LYN: variants seen among roughly 807,000 people sequenced by gnomAD.
LYN encodes the protein tyrosine-protein kinase Lyn.
LYN carries 12 observed loss-of-function variants against 65.0 expected under a neutral mutation model. The ratio of observed to expected loss-of-function variants is 0.18; its 90% CI spans 0.12 to 0.30. LYN has a LOEUF of 0.30. Ranked by LOEUF, LYN falls within the 10% of genes least tolerant of loss-of-function variation. LYN has a pLI of 1.00. For missense variants in LYN, 380 were observed against 623.2 expected (o/e 0.61, Z 4.16); for synonymous variants, 222 against 221.2 (o/e 1.00, Z -0.03).
chr8:55,966,555 A>G lies in LYN; in HGVS notation c.791-160A>G, dbSNP rs917794674. Reference sequence around the variant, plus strand: ...GCTAATTTTTGTATTTTTAGTAGACATGGGGTTTCACTGTTTTAGCCAGGC... The same window carrying G: ...GCTAATTTTTGTATTTTTAGTAGACGTGGGGTTTCACTGTTTTAGCCAGGC... On this transcript the variant is annotated intron_variant, in intron 8 of 12. Transcript: ENST00000519728. Among the ~76,000 whole-genome samples the G allele has an allele frequency of 2.1e-4, 32 of 152,154 alleles. 1 individual carries two copies. Among genetic ancestry groups the G allele is most frequent in the Middle Eastern group, 6.8e-3 (2 of 294 alleles).
rs1216959951 is a variant in LYN, at chr8:56,010,456, T to C, written c.*346T>C. 1 of 320,986 alleles carries C rather than the reference T, an allele frequency of 3.1e-6. No homozygotes were observed. The highest frequency in any genetic ancestry group is 5.9e-6 in the Non-Finnish European group (1 of 169,732). The allele number at this position is 320,986 out of a possible 1,614,324, so 19.9% of individuals were successfully genotyped here. A position where few individuals can be genotyped will look rare whatever the true frequency, so the allele number is the denominator to read the frequency against. On this transcript the variant is annotated 3_prime_UTR_variant, in exon 13 of 13. Transcript: ENST00000519728. ...TTACAAATGGACATAGGACTCAAAG[T>C]TTCAGAGACCATTGCAATGAATCCC...
chr8:55,953,252 C>T (rs944983525), intron 7 of LYN, among the ~76,000 whole-genome samples: 37 of 152,264 alleles, frequency 2.4e-4, no homozygotes, highest in African/African-American at 8.9e-4. Context: ...TTAAGTGTGA[C>T]AATCTGGCAG....
intron 1 of LYN, among the ~76,000 whole-genome samples, chr8:55,928,154 C>G (rs1038629147): frequency 2.6e-5 from 4 of 151,932 alleles, no homozygotes; most frequent in African/African-American, 4.8e-5. Flanking sequence ...TTGGTTTGTT[C>G]GTTTTGTTTG....
chr8:55,893,568 G>A (rs1805011635), intron 1 of LYN: 1 of 152,278 alleles, frequency 6.6e-6, no homozygotes. Flanking sequence ...GACAGAGAGA[G>A]GCATAATTGA....
intron 1 of LYN, among the ~76,000 whole-genome samples, chr8:55,909,830 G>T (rs1312009831): frequency 6.6e-6 from 1 of 152,028 alleles, no homozygotes; most frequent in Non-Finnish European, 1.5e-5. Context: ...GTCTCATTGT[G>T]GTTTTAATTT....
At chr8:55,909,561 A>G (rs1331185985) in intron 1 of LYN, among the ~76,000 whole-genome samples, 4 of 152,220 alleles carry the variant, frequency 2.6e-5, no homozygotes. Context: ...TCCAATAAAC[A>G]TACAAGCACT....
intron 1 of LYN, among the ~76,000 whole-genome samples, chr8:55,934,087 A>T (rs1248419771): frequency 1.3e-5 from 2 of 152,286 alleles, no homozygotes; most frequent in South Asian, 2.1e-4. Context: ...TTAGCCAGGC[A>T]TGGTGGCGAG....
chr8:55,976,800 G>A (rs530030775), intron 10 of LYN, among the ~76,000 whole-genome samples: 3 of 152,124 alleles, frequency 2.0e-5, no homozygotes, highest in East Asian at 1.9e-4. Context: ...TAGGAACCTC[G>A]TGCATAAAGG....
intron 2 of LYN, among the ~76,000 whole-genome samples, chr8:55,944,515 T>C (rs905050494): frequency 1.3e-5 from 2 of 152,200 alleles, no homozygotes; most frequent in African/African-American, 4.8e-5. Flanking sequence ...AGATTTGCTC[T>C]TGTTGCCCAG....
Position 55,967,003 on chromosome 8 carries a change from C to T in LYN, c.973+106C>T, listed in dbSNP as rs183953840. 183 of 1,022,234 alleles carry T rather than the reference C, an allele frequency of 1.8e-4. 1 individual carries two copies. Among genetic ancestry groups the T allele is most frequent in the Admixed American group, 4.2e-4 (14 of 33,424 alleles). 63.3% of individuals were successfully genotyped at this position (1,022,234 alleles called of 1,614,324 possible). A position where few individuals can be genotyped will look rare whatever the true frequency, so the allele number is the denominator to read the frequency against. ...ACTAGTTTAATTATCAAACAGTATA[C>T]CCACTACCGAAAAATCAGGAAATAT... is the stretch of plus-strand genomic sequence containing the variant. On this transcript the variant is annotated intron_variant, in intron 9 of 12. Transcript: ENST00000519728.
chr8:55,931,621 T>A (rs4737421), intron 1 of LYN, among the ~76,000 whole-genome samples: 15 of 152,174 alleles, frequency 9.9e-5, no homozygotes, highest in Admixed American at 9.8e-4. Flanking sequence ...CAAAATGATA[T>A]CATGCTATAT....
At chr8:55,963,723 C>G (rs1807356033) in intron 8 of LYN, among the ~76,000 whole-genome samples, 1 of 152,098 alleles carries the variant, frequency 6.6e-6, no homozygotes, top group South Asian at 2.1e-4. Flanking sequence ...TTTGAAATGC[C>G]CTTCCAAGTC....
chr8:55,880,355 C>T (rs1804617081), intron 1 of LYN, among the ~76,000 whole-genome samples: 2 of 151,922 alleles, frequency 1.3e-5, no homozygotes, highest in Admixed American at 1.3e-4. Context: ...CGCAGGTGTC[C>T]GCCGCGGAGC....
chr8:55,994,818 G>A (rs1054890326), intron 10 of LYN, among the ~76,000 whole-genome samples: 1 of 152,166 alleles, frequency 6.6e-6, no homozygotes, highest in African/African-American at 2.4e-5. Flanking sequence ...GAGTGGAGCC[G>A]GGAGGCTGGG....
At chr8:55,951,877 T>G (rs900656672) in intron 6 of LYN, 89 bp from the exon 7 acceptor site, 15 of 1,008,092 alleles carry the variant, frequency 1.5e-5, no homozygotes, top group Non-Finnish European at 2.2e-5. Flanking sequence ...TTTTGCATAT[T>G]TGTATCACAA....
intron 1 of LYN, among the ~76,000 whole-genome samples, chr8:55,908,359 T>C (rs149056610): frequency 0.017 from 2,559 of 151,872 alleles, 34 homozygotes; most frequent in Non-Finnish European, 0.026. Context: ...ATTCTCCTGC[T>C]GTGGCCTCCC....
intron 1 of LYN, among the ~76,000 whole-genome samples, chr8:55,938,099 T>C (rs1806493676): frequency 6.6e-6 from 1 of 152,172 alleles, no homozygotes; most frequent in African/African-American, 2.4e-5. Context: ...GGCTCTTGAA[T>C]GAGGATGAGC....
chr8:55,885,425 C>G (rs1483697431), intron 1 of LYN, among the ~76,000 whole-genome samples: 1 of 152,208 alleles, frequency 6.6e-6, no homozygotes, highest in East Asian at 1.9e-4. Context: ...TTGCTCACTC[C>G]TCTTTATTGA....
chr8:56,007,738 A>C (rs1808708969), intron 12 of LYN, among the ~76,000 whole-genome samples: 1 of 152,260 alleles, frequency 6.6e-6, no homozygotes, highest in Non-Finnish European at 1.5e-5. Context: ...TACATAAAGC[A>C]AACGTTTCAT....
Sources: gnomAD v4.1 joint callset for allele counts (sites outside exome capture counted in the v4.1 genomes callset) on GRCh38, gnomAD v4.1.1 for gene constraint, MANE v1.5 for transcripts, NCBI Gene and HGNC (gene_info 2026-07-23, HGNC 2026-07-21) for gene names.